OR6N1: variants seen among roughly 807,000 people sequenced by gnomAD.
The protein encoded by OR6N1 is olfactory receptor family 6 subfamily N member 1.
For missense variants in OR6N1, 394 were observed against 371.7 expected, an observed-to-expected ratio of 1.06 and a Z score of -0.49; for synonymous variants, 170 against 150.7, an observed-to-expected ratio of 1.13 and a Z score of -0.94.
chr1:158,776,277 C>T (rs1481208382), upstream of OR6N1: 1 of 155,474 alleles, frequency 6.4e-6, no homozygotes, highest in Non-Finnish European at 1.4e-5. Flanking sequence ...TCAATAATGG[C>T]CTTCACAAAA....
chr1:158,804,193 G>T, the OR6N1 span, among the ~76,000 whole-genome samples: 3 of 152,166 alleles, frequency 2.0e-5, no homozygotes, highest in African/African-American at 7.2e-5. Flanking sequence ...TTTTAGGATT[G>T]TGCTGCAACA....
upstream of OR6N1, among the ~76,000 whole-genome samples, chr1:158,772,744 T>C (rs576202720): frequency 1.2e-3 from 181 of 152,328 alleles, no homozygotes; most frequent in African/African-American, 4.0e-3. Context: ...TTCAGAATCT[T>C]GGATACAATC....
the OR6N1 span, among the ~76,000 whole-genome samples, chr1:158,785,064 G>C: frequency 6.6e-6 from 1 of 152,076 alleles, no homozygotes; most frequent in Admixed American, 6.5e-5. Flanking sequence ...ATATTTGCAT[G>C]TTCAGTGCTA....
intron 1 of OR6N1, among the ~76,000 whole-genome samples, chr1:158,767,692 T>A (rs1452766218): frequency 1.3e-5 from 2 of 152,198 alleles, no homozygotes; most frequent in Non-Finnish European, 2.9e-5. Flanking sequence ...ATTATTCTCA[T>A]CTACTAAACA....
the OR6N1 span, among the ~76,000 whole-genome samples, chr1:158,817,453 T>C: frequency 6.6e-6 from 1 of 152,198 alleles, no homozygotes. Context: ...AGAGCTTCAA[T>C]TCCCCATTTA....
the OR6N1 span, among the ~76,000 whole-genome samples, chr1:158,838,810 A>T: frequency 6.6e-6 from 1 of 152,138 alleles, no homozygotes; most frequent in African/African-American, 2.4e-5. Context: ...ATAATTACAC[A>T]TGACCTGTCT....
At chr1:158,836,022 A>T in the OR6N1 span, among the ~76,000 whole-genome samples, 1 of 151,906 alleles carries the variant, frequency 6.6e-6, no homozygotes, top group African/African-American at 2.4e-5. Flanking sequence ...TTTTACCATT[A>T]AGAGTGTTAA....
the OR6N1 span, among the ~76,000 whole-genome samples, chr1:158,822,614 A>T: frequency 3.3e-5 from 5 of 152,124 alleles, no homozygotes; most frequent in Non-Finnish European, 7.4e-5. Flanking sequence ...AAAGACAAAG[A>T]CTGTGTGGTT....
At chr1:158,794,878 A>G in the OR6N1 span, among the ~76,000 whole-genome samples, 1 of 152,218 alleles carries the variant, frequency 6.6e-6, no homozygotes, top group Non-Finnish European at 1.5e-5. Flanking sequence ...CAGTAATGGC[A>G]GTGGAATTTG....
the OR6N1 span, among the ~76,000 whole-genome samples, chr1:158,793,450 A>G: frequency 6.6e-6 from 1 of 151,934 alleles, no homozygotes; most frequent in South Asian, 2.1e-4. Context: ...GAGTTTTTTA[A>G]ATTTATATTT....
chr1:158,791,661 G>C, the OR6N1 span, among the ~76,000 whole-genome samples: 1 of 151,956 alleles, frequency 6.6e-6, no homozygotes, highest in Non-Finnish European at 1.5e-5. Flanking sequence ...GTAGAGATGG[G>C]GTTTCACCAT....
the OR6N1 span, among the ~76,000 whole-genome samples, chr1:158,833,531 C>T: frequency 1.6e-4 from 25 of 152,146 alleles, no homozygotes; most frequent in African/African-American, 6.0e-4. Flanking sequence ...CCTTCTTTCC[C>T]CATAAATTTA....
At chr1:158,831,818 A>G in the OR6N1 span, among the ~76,000 whole-genome samples, 2 of 152,168 alleles carry the variant, frequency 1.3e-5, no homozygotes, top group African/African-American at 4.8e-5. Context: ...GCATAAATTG[A>G]TATTTAGAGG....
At chr1:158,779,018 C>CAAAAAAAAAAAAAAAAAA in the OR6N1 span, among the ~76,000 whole-genome samples, 9 of 86,362 alleles carry the variant, frequency 1.0e-4, no homozygotes, top group South Asian at 4.2e-4. Flanking sequence ...GACTGCGTCT[C>CAAAAAAAAAAAAAAAAAA]AAAAAAAAAA....
chr1:158,834,648 G>T, the OR6N1 span, among the ~76,000 whole-genome samples: 1 of 151,912 alleles, frequency 6.6e-6, no homozygotes, highest in South Asian at 2.1e-4. Flanking sequence ...CTATTTTATT[G>T]TTGTTGTTGT....
upstream of OR6N1, chr1:158,775,634 T>G (rs936629617): frequency 3.9e-5 from 6 of 152,170 alleles, no homozygotes; most frequent in African/African-American, 1.4e-4. Flanking sequence ...GAAAGGAGCA[T>G]GGGTAGAATA....
intron 1 of OR6N1, among the ~76,000 whole-genome samples, chr1:158,771,265 T>C (rs997768355): frequency 2.6e-5 from 4 of 152,212 alleles, no homozygotes; most frequent in Non-Finnish European, 5.9e-5. Flanking sequence ...GCAATTATTT[T>C]CCAGGCATAT....
At chr1:158,780,171 G>T in the OR6N1 span, among the ~76,000 whole-genome samples, 1 of 152,130 alleles carries the variant, frequency 6.6e-6, no homozygotes, top group Non-Finnish European at 1.5e-5. Flanking sequence ...ACCTATCATT[G>T]TTCCCACTGA....
the OR6N1 span, among the ~76,000 whole-genome samples, chr1:158,838,432 G>T: frequency 6.6e-6 from 1 of 151,970 alleles, no homozygotes; most frequent in East Asian, 1.9e-4. Context: ...CAAAGTATTT[G>T]CTGAAAAATG....
Sources: gnomAD v4.1 joint callset for allele counts (sites outside exome capture counted in the v4.1 genomes callset) on GRCh38, gnomAD v4.1.1 for gene constraint, MANE v1.5 for transcripts, NCBI Gene and HGNC (gene_info 2026-07-23, HGNC 2026-07-21) for gene names.